Variants in FAM186A observed in about 807,000 individuals in gnomAD.
FAM186A encodes family with sequence similarity 186 member A.
FAM186A carries 163 observed loss-of-function variants against 216.8 expected under a neutral mutation model. The observed-to-expected ratio is 0.75, with a 90% CI of 0.66 to 0.86. The LOEUF (loss-of-function observed/expected upper bound fraction) is 0.86, where lower values mean the gene tolerates loss of function less well. FAM186A is among the 40% of genes least tolerant of loss of function. The pLI, the probability that FAM186A is intolerant of heterozygous loss-of-function variation, is 0.00. For synonymous variants in FAM186A, 805 were observed against 1,025.3 expected, an observed-to-expected ratio of 0.79 and a Z score of 4.10; for missense variants, 2,184 against 2,746.2, an observed-to-expected ratio of 0.80 and a Z score of 4.58.
chr12:50,339,740 TTACACACACA>T (rs776580729), intron 4 of FAM186A, among the ~76,000 whole-genome samples: 72 of 55,438 alleles, frequency 1.3e-3, no homozygotes, highest in Admixed American at 3.4e-3. Flanking sequence ...ACAAAGTACT[TTACACACACA>T]CACACACACA....
chr12:50,391,929 C>CCCATG (rs544934052), intron 1 of FAM186A, among the ~76,000 whole-genome samples: 1 of 152,198 alleles, frequency 6.6e-6, no homozygotes, highest in Non-Finnish European at 1.5e-5. Context: ...CCAGAAACAG[C>CCCATG]CCATGCCATG....
At chr12:50,372,059 G>A (rs1943146528) in intron 1 of FAM186A, among the ~76,000 whole-genome samples, 1 of 151,974 alleles carries the variant, frequency 6.6e-6, no homozygotes, top group East Asian at 1.9e-4. Flanking sequence ...TGATCCACCT[G>A]CCTTGGCCTC....
At chr12:50,337,421 C>T (rs1341484700) in intron 4 of FAM186A, among the ~76,000 whole-genome samples, 2 of 147,534 alleles carry the variant, frequency 1.4e-5, no homozygotes, top group South Asian at 2.1e-4. Context: ...CAGCCCCCCT[C>T]GGTAGCTGGG....
intron 2 of FAM186A, among the ~76,000 whole-genome samples, chr12:50,361,960 T>G (rs991558499): frequency 6.6e-6 from 1 of 151,772 alleles, no homozygotes; most frequent in African/African-American, 2.4e-5. Context: ...ATTCATTCTT[T>G]TTGTTGTTGT....
chr12:50,343,500 G>A (rs1288459700), intron 4 of FAM186A, among the ~76,000 whole-genome samples: 5 of 151,474 alleles, frequency 3.3e-5, no homozygotes, highest in South Asian at 4.2e-4. Flanking sequence ...GCAGTGGTGC[G>A]ATCTTGGCTC....
At chr12:50,340,431 C>T (rs1469684743) in intron 4 of FAM186A, among the ~76,000 whole-genome samples, 4 of 151,920 alleles carry the variant, frequency 2.6e-5, no homozygotes, top group African/African-American at 7.3e-5. Context: ...GTTGATGGGC[C>T]GAGCTCAGTG....
chr12:50,387,312 A>T (rs1592636053), intron 1 of FAM186A, among the ~76,000 whole-genome samples: 1 of 152,216 alleles, frequency 6.6e-6, no homozygotes, highest in African/African-American at 2.4e-5. Context: ...TATTGAAGAG[A>T]TGCTAGGGCA....
intron 1 of FAM186A, among the ~76,000 whole-genome samples, chr12:50,389,729 C>A (rs1943340295): frequency 6.6e-6 from 1 of 152,132 alleles, no homozygotes; most frequent in South Asian, 2.1e-4. Flanking sequence ...AGCAATGAAG[C>A]CACATCTGGT....
chr12:50,384,839 T>C, intron 1 of FAM186A, among the ~76,000 whole-genome samples: 1 of 152,048 alleles, frequency 6.6e-6, no homozygotes. Flanking sequence ...TGAGTCTTGC[T>C]CTATTGCCCA....
At chr12:50,349,584 T>C (rs1942854493) in intron 4 of FAM186A, among the ~76,000 whole-genome samples, 2 of 152,126 alleles carry the variant, frequency 1.3e-5, no homozygotes, top group Admixed American at 1.3e-4. Flanking sequence ...TGTGCTCAGC[T>C]TATTTCATTT....
At chr12:50,335,328 A>G (rs557587136) in intron 4 of FAM186A, among the ~76,000 whole-genome samples, 2 of 152,146 alleles carry the variant, frequency 1.3e-5, no homozygotes, top group South Asian at 4.1e-4. Context: ...CATTTTTTTC[A>G]TATGTATAGA....
At chr12:50,376,622 T>C (rs1007228773) in intron 1 of FAM186A, among the ~76,000 whole-genome samples, 1 of 152,146 alleles carries the variant, frequency 6.6e-6, no homozygotes, top group Admixed American at 6.5e-5. Flanking sequence ...GCAGCCATGG[T>C]GGGCCTGGTA....
At chr12:50,336,454 G>C (rs1303331092) in intron 4 of FAM186A, among the ~76,000 whole-genome samples, 1 of 152,088 alleles carries the variant, frequency 6.6e-6, no homozygotes, top group Non-Finnish European at 1.5e-5. Context: ...AACCATATGG[G>C]GTAGACGGGT....
chr12:50,393,173 G>A (rs1943378308), intron 1 of FAM186A, among the ~76,000 whole-genome samples: 2 of 151,432 alleles, frequency 1.3e-5, no homozygotes, highest in Admixed American at 1.3e-4. Flanking sequence ...TGATCCGCCC[G>A]CCTCGCCTCC....
chr12:50,366,820 C>T (rs1943093253), intron 1 of FAM186A, among the ~76,000 whole-genome samples: 2 of 151,856 alleles, frequency 1.3e-5, no homozygotes, highest in South Asian at 4.2e-4. Flanking sequence ...CGAGACCAGC[C>T]TGAGCAACAT....
At chr12:50,389,633 T>A (rs983451024) in intron 1 of FAM186A, among the ~76,000 whole-genome samples, 5 of 152,196 alleles carry the variant, frequency 3.3e-5, no homozygotes, top group Non-Finnish European at 5.9e-5. Flanking sequence ...CTACTTCTGG[T>A]GGGCCTTATT....
In FAM186A at chr12:50,346,237, A is replaced by AAAGAAAGAAAGAAGAAAGAAAG. The variant is rs1383898895; in HGVS notation, c.6503+4091_6503+4092insCTTTCTTTCTTCTTTCTTTCTT. On this transcript the variant is annotated intron_variant, in intron 4 of 7. Coordinates refer to ENST00000327337, the MANE Select transcript of FAM186A (RefSeq NM_001145475.3). ...AGAGAGAAGGAAAGAAAGAAAGAAA[A>AAAGAAAGAAAGAAGAAAGAAAG]AAAGAAAGAAAGAAAGAAAGAAAGA... Among the ~76,000 whole-genome samples the AAAGAAAGAAAGAAGAAAGAAAG allele has an allele frequency of 2.9e-5, 3 of 102,184 alleles. 1 individual carries two copies. The highest frequency in any genetic ancestry group is 1.0e-4 in the African/African-American group (3 of 29,606). The allele number at this position is 102,184 out of a possible 152,430, so 67.0% of individuals were successfully genotyped here.
Position 50,355,489 on chromosome 12 carries a change from T to C in FAM186A, c.1343A>G (p.Gln448Arg). The C allele has an allele frequency of 6.4e-7, 1 of 1,551,364 alleles. No homozygotes were observed. The highest frequency in any genetic ancestry group is 8.7e-7 in the Non-Finnish European group (1 of 1,146,914). The change falls in exon 4 of 8, where the codon CAG becomes CGG. Residue 448 changes from glutamine (Q) to arginine (R), a missense_variant. By Grantham distance (43) the Gln-to-Arg change is conservative. Transcript: ENST00000327337. ...TTGATACTCATCAGTCTCATCTTCC[T>C]GATAGAAATCACCTTTCTTCAATGA... ...NVSLKKGDFYQEDETDEYQSW... is the reference protein window; with the variant it reads ...NVSLKKGDFYREDETDEYQSW...
Position 50,354,338 on chromosome 12 carries a change from C to T in FAM186A, c.2494G>A (p.Glu832Lys). Residue 832 changes from glutamate (E) to lysine (K), a missense_variant, in exon 4 of 8, where the codon GAA (glutamate) becomes AAA (lysine). Transcript: ENST00000327337. ...TTGAGACTCATGCCAGACATTTGTTCTTGACCCTCTTGCAAATATTGCTCC... is the reference window on the plus strand; with the variant it reads ...TTGAGACTCATGCCAGACATTTGTTTTTGACCCTCTTGCAAATATTGCTCC... ...RQEQYLQEGQ[E>K]QMSGMSLKQQ... 1 of 1,551,624 alleles carries T rather than the reference C, an allele frequency of 6.4e-7. No homozygotes were observed.
Sources: gnomAD v4.1 joint callset for allele counts (sites outside exome capture counted in the v4.1 genomes callset) on GRCh38, gnomAD v4.1.1 for gene constraint, MANE v1.5 for transcripts, NCBI Gene and HGNC (gene_info 2026-07-23, HGNC 2026-07-21) for gene names.